The following KANK2 variants were observed in gnomAD, a reference collection of about 807,000 sequenced individuals.
The protein encoded by KANK2 is KN motif and ankyrin repeat domains 2.
Under a neutral mutation model 74.6 loss-of-function variants are expected in KANK2, and 41 were observed. The observed-to-expected ratio is 0.55, with a 90% CI of 0.43 to 0.71. The LOEUF is 0.71. Among genes scored for constraint, KANK2 ranks in the 30% least tolerant of loss-of-function variants. KANK2 has a pLI of 0.00. For missense variants in KANK2, 1,148 were observed against 1,196.4 expected (o/e 0.96, Z 0.60); for synonymous variants, 537 against 519.0 (o/e 1.03, Z -0.47).
At chr19:11,176,129 C>T (rs542914791) in intron 7 of KANK2, 140 bp from the exon 8 acceptor site, 1 of 620,372 alleles carries the variant, frequency 1.6e-6, no homozygotes, top group African/African-American at 1.8e-5. Flanking sequence ...CCGGGACACA[C>T]ATTTACATTG....
At chr19:11,176,953 C>T (rs2147452599) in intron 6 of KANK2, 136 bp from the exon 7 acceptor site, 1 of 1,047,194 alleles carries the variant, frequency 9.5e-7, no homozygotes, top group East Asian at 2.7e-5. Context: ...ATTGACATTC[C>T]AGGGTTGTGG....
At chr19:11,168,566 C>T (rs922540449) in intron 12 of KANK2, among the ~76,000 whole-genome samples, 3 of 152,050 alleles carry the variant, frequency 2.0e-5, no homozygotes, top group African/African-American at 4.8e-5. Context: ...CGTGAGCCAC[C>T]GCGCCCAGCC....
Position 11,170,371 on chromosome 19 carries a change from C to G in KANK2, c.2212-123G>C. ...TGAAATGTACCCTCAACTTGCTGATCTCCTCCTGAATCTCAAACAACCCTC... is the reference window on the plus strand; with the variant it reads ...TGAAATGTACCCTCAACTTGCTGATGTCCTCCTGAATCTCAAACAACCCTC... On this transcript the variant is annotated intron_variant, in intron 10 of 12. Transcript: ENST00000586659. This position sits in a 1 kb window ranked among gnomAD's most constrained non-coding sequence, Gnocchi z 5.2. The G allele has an allele frequency of 1.4e-6, 1 of 726,350 alleles. No homozygotes were observed. Among genetic ancestry groups the G allele is most frequent in the Non-Finnish European group, 2.3e-6 (1 of 441,484 alleles). The allele number at this position is 726,350 out of a possible 1,614,324, so 45.0% of individuals were successfully genotyped here.
chr19:11,192,073 C>T (rs532805486), intron 4 of KANK2, among the ~76,000 whole-genome samples: 1 of 152,066 alleles, frequency 6.6e-6, no homozygotes, highest in African/African-American at 2.4e-5. Context: ...ATAACGACAA[C>T]AAGAACAAGA....
At position 11,170,459 on chromosome 19, in the gene KANK2, G is replaced by A. The variant is rs551696613; in HGVS notation, c.2212-211C>T. On this transcript the variant is annotated intron_variant, in intron 10 of 12. Coordinates refer to ENST00000586659, the MANE Select transcript of KANK2 (RefSeq NM_001136191.3). This position sits in a 1 kb window ranked among gnomAD's most constrained non-coding sequence, Gnocchi z 5.2. ...AGCGGATGAGTGGTTGCCAGAGGCTGGGAGAAGCGGGGGCGGAGGAAATGA... is the reference window on the plus strand; with the variant it reads ...AGCGGATGAGTGGTTGCCAGAGGCTAGGAGAAGCGGGGGCGGAGGAAATGA... 13 of 588,584 alleles carry A rather than the reference G, an allele frequency of 2.2e-5. No individual in the cohort carries two copies. Among genetic ancestry groups the A allele is most frequent in the African/African-American group, 2.0e-4 (11 of 53,804 alleles). 36.5% of individuals were successfully genotyped at this position (588,584 alleles called of 1,614,324 possible). A position where few individuals can be genotyped will look rare whatever the true frequency, so the allele number is the denominator to read the frequency against.
At chr19:11,182,181 GC>G (rs771426877) in intron 4 of KANK2, among the ~76,000 whole-genome samples, 26 of 151,994 alleles carry the variant, frequency 1.7e-4, no homozygotes, top group Non-Finnish European at 3.2e-4. Flanking sequence ...CTCCCAAAGT[GC>G]TGGGATTACA....
chr19:11,174,659 G>T lies in KANK2; in HGVS notation c.1882C>A (p.Leu628Met), dbSNP rs1348542165. 6.2e-7 allele frequency: 1 copy of T among 1,609,158 alleles called. No individual in the cohort carries two copies. The highest frequency in any genetic ancestry group is 1.7e-5 in the Admixed American group (1 of 59,620). ...GCGTCGCTGCGGCAGGCCAGGCGCA[G>T]CCACTCCTGCAGCACTGTGGTGTAG... ...VAYTTVLQEW[L>M]RLACRSDAHP... The change falls in exon 9 of 13, where the codon CTG becomes ATG. Residue 628 changes from leucine to methionine, a missense_variant. Transcript: ENST00000586659.
chr19:11,182,315 C>T (rs2078544986), intron 4 of KANK2, among the ~76,000 whole-genome samples: 1 of 149,846 alleles, frequency 6.7e-6, no homozygotes, highest in Admixed American at 6.7e-5. Flanking sequence ...GCCAGGAGTT[C>T]AAGACCAGCC....
intron 5 of KANK2, 24 bp from the exon 6 acceptor site, chr19:11,178,471 G>T: frequency 6.2e-7 from 1 of 1,601,526 alleles, no homozygotes; most frequent in Non-Finnish European, 8.5e-7. Context: ...CAGCGGAGGT[G>T]CTGTGAGAGT....
At chr19:11,185,875 C>T (rs544495673) in intron 4 of KANK2, among the ~76,000 whole-genome samples, 1 of 152,064 alleles carries the variant, frequency 6.6e-6, no homozygotes, top group African/African-American at 2.4e-5. Flanking sequence ...CCCATCTCTA[C>T]AAAAAATTAC....
At position 11,193,563 on chromosome 19, in the gene KANK2, C is replaced by G. The variant is rs2078922905; in HGVS notation, c.517G>C (p.Gly173Arg). The G allele has an allele frequency of 3.8e-6, 6 of 1,596,638 alleles. No homozygotes were observed. The highest frequency in any genetic ancestry group is 5.1e-6 in the Non-Finnish European group (6 of 1,173,606). ...CTGGGAGGCACCGGTGTGGACAGTC[C>G]TGAACTCCGTGGTGTCGGGGGTGGC... ...GLPPPTPRSS[G>R]LSTPVPPSAG... The change falls in exon 4 of 13, where the codon GGA becomes CGA. Residue 173 changes from glycine (G) to arginine (R), a missense_variant. Coordinates refer to ENST00000586659, the MANE Select transcript of KANK2 (RefSeq NM_001136191.3). The surrounding 1 kb of genome is among the most constrained non-coding windows in gnomAD (Gnocchi z 9.6).
chr19:11,178,225 G>C, intron 6 of KANK2, 120 bp downstream of exon 6: 2 of 927,976 alleles, frequency 2.2e-6, no homozygotes, highest in Non-Finnish European at 3.0e-6. Context: ...GTTGTGGTTT[G>C]ATTAAACGAA....
At chr19:11,181,634 G>T (rs1183161395) in intron 4 of KANK2, among the ~76,000 whole-genome samples, 1 of 151,712 alleles carries the variant, frequency 6.6e-6, no homozygotes, top group Non-Finnish European at 1.5e-5. Flanking sequence ...GTTTAATGGG[G>T]ACAGTTTCAG....
intron 6 of KANK2, among the ~76,000 whole-genome samples, chr19:11,177,092 C>CTT (rs1187139856): frequency 2.2e-5 from 2 of 92,350 alleles, no homozygotes; most frequent in African/African-American, 8.8e-5. Flanking sequence ...TACTCACCCT[C>CTT]CTTTTTTTTT....
At chr19:11,189,652 A>G (rs2078784801) in intron 4 of KANK2, among the ~76,000 whole-genome samples, 1 of 150,096 alleles carries the variant, frequency 6.7e-6, no homozygotes, top group Admixed American at 6.7e-5. Context: ...ATAGAAATGA[A>G]TTAAGACATT....
chr19:11,179,634 C>T lies in KANK2; in HGVS notation c.1250-914G>A, dbSNP rs184655840. Among the ~76,000 whole-genome samples the T allele has an allele frequency of 6.6e-4, 100 of 150,836 alleles. 1 individual carries two copies. Among genetic ancestry groups the T allele is most frequent in the African/African-American group, 2.4e-3 (97 of 41,082 alleles). On this transcript the variant is annotated intron_variant, in intron 4 of 12. Coordinates refer to ENST00000586659, the MANE Select transcript of KANK2 (RefSeq NM_001136191.3). ...GCCTGGGTAACAGAGAGAGACTGTC[C>T]TGAAAATAAAAAATAAAAAAAAAAA...
intron 8 of KANK2, 56 bp from the exon 9 acceptor site, chr19:11,174,748 C>A: frequency 2.2e-6 from 3 of 1,386,730 alleles, no homozygotes; most frequent in Non-Finnish European, 3.0e-6. Context: ...CACTGGGACA[C>A]CCCCCACCCC....
chr19:11,173,843 A>T (rs902068671), intron 9 of KANK2, among the ~76,000 whole-genome samples: 15 of 151,992 alleles, frequency 9.9e-5, no homozygotes, highest in African/African-American at 3.6e-4. Flanking sequence ...TTAGACTAGG[A>T]GGGTGGTGTC....
Position 11,193,954 on chromosome 19 carries a change from C to T in KANK2, c.126G>A (p.Leu42=), listed in dbSNP as rs762703467. ...YSVETPYGYR[L]DLDFLKYVDD... The stretch of plus-strand genomic sequence containing the variant: ...CCACGTACTTGAGGAAGTCCAGGTC[C>T]AGGCGGTAGCCATAGGGGGTCTCCA... Residue 42 remains leucine (L), a synonymous_variant, in exon 4 of 13, where the codon CTG becomes CTA. Transcript: ENST00000586659. The surrounding 1 kb of genome is among the most constrained non-coding windows in gnomAD (Gnocchi z 9.6). 10 of 1,613,918 alleles carry T rather than the reference C, an allele frequency of 6.2e-6. No homozygotes were observed. In the Middle Eastern group the frequency reaches 4.9e-4, roughly 80 times the overall value.
Sources: allele counts gnomAD v4.1 joint callset (sites outside exome capture counted in the v4.1 genomes callset), GRCh38; gene constraint gnomAD v4.1.1; non-coding constraint Gnocchi (gnomAD v3.1); transcripts MANE v1.5; gene names NCBI Gene and HGNC (gene_info 2026-07-23, HGNC 2026-07-21).